Variants in COX15 observed in about 807,000 individuals in gnomAD.
COX15 encodes heme A synthase COX15.
In COX15, 51 loss-of-function variants were observed where a neutral mutation model predicts 51.9. That is an observed-to-expected ratio of 0.98 (90% confidence interval 0.78 to 1.24). The LOEUF is 1.24. Ranked by LOEUF, COX15 falls within the 50% of genes most tolerant of loss-of-function variation. The pLI is 0.00. For missense variants in COX15, 420 were observed against 501.1 expected, an observed-to-expected ratio of 0.84 and a Z score of 1.55; for synonymous variants, 188 against 190.5, an observed-to-expected ratio of 0.99 and a Z score of 0.11.
At chr10:99,723,590 A>C (rs1334005111) in intron 5 of COX15, among the ~76,000 whole-genome samples, 1 of 152,238 alleles carries the variant, frequency 6.6e-6, no homozygotes, top group Non-Finnish European at 1.5e-5. Context: ...ACTTTGCTTT[A>C]ATCAGCAGAC....
At chr10:99,702,053 A>C in the COX15 span, among the ~76,000 whole-genome samples, 24 of 152,184 alleles carry the variant, frequency 1.6e-4, no homozygotes, top group East Asian at 4.5e-3. Context: ...TGTCTCAAAA[A>C]AAAACAAAAA....
Position 99,718,329 on chromosome 10 carries a change from C to A in COX15, c.987+17G>T. 1 of 1,613,956 alleles carries A rather than the reference C, an allele frequency of 6.2e-7. No homozygotes were observed. Among genetic ancestry groups the A allele is most frequent in the South Asian group, 1.1e-5 (1 of 91,068 alleles). On this transcript the variant is annotated intron_variant, in intron 7 of 8. Transcript: ENST00000016171. ...GGCTCCTGTGCTCTCTGGCAGGTAACCACCAACTACACTTACCAGAATCCG... is the reference window on the plus strand; with the variant it reads ...GGCTCCTGTGCTCTCTGGCAGGTAAACACCAACTACACTTACCAGAATCCG...
At chr10:99,718,970 T>C (rs1345082395) in intron 6 of COX15, among the ~76,000 whole-genome samples, 2 of 152,228 alleles carry the variant, frequency 1.3e-5, no homozygotes, top group East Asian at 3.8e-4. Flanking sequence ...TTCTGTCTCC[T>C]GACCCTAATT....
rs863223945 is a variant in COX15, at chr10:99,727,074, A to C, written c.476T>G (p.Val159Gly). ...EYSHRMWGRLVGLVYILPAAY... is the reference protein window; with the variant it reads ...EYSHRMWGRLGGLVYILPAAY... ...AGCAGGCAGGATGTACACAAGGCCTACAAGGCGACCCCACATTCGGTGTGA... is the reference window on the plus strand; with the variant it reads ...AGCAGGCAGGATGTACACAAGGCCTCCAAGGCGACCCCACATTCGGTGTGA... The change falls in exon 4 of 9, where the codon GTA (valine) becomes GGA (glycine). Residue 159 changes from valine (V) to glycine (G), a missense_variant. Transcript: ENST00000016171. 6.2e-7 allele frequency: 1 copy of C among 1,614,212 alleles called. No individual in the cohort carries two copies. Among genetic ancestry groups the C allele is most frequent in the African/African-American group, 1.3e-5 (1 of 75,056 alleles).
In COX15 at chr10:99,712,682, T is replaced by G. The variant is rs999151068; in HGVS notation, c.*1905A>C. The G allele has an allele frequency of 2.2e-6, 2 of 903,318 alleles. No individual in the cohort carries two copies. The highest frequency in any genetic ancestry group is 2.6e-6 in the Non-Finnish European group (2 of 755,418). The allele number at this position is 903,318 out of a possible 1,614,324, so 56.0% of individuals were successfully genotyped here. A position where few individuals can be genotyped will look rare whatever the true frequency, so the allele number is the denominator to read the frequency against. ...ATCTAACAACCCTGGACCTGTAGAG[T>G]GGCAGCAACAGACCAGAACTCAGCA... On this transcript the variant is annotated 3_prime_UTR_variant, in exon 9 of 9. Coordinates refer to ENST00000016171, the MANE Select transcript of COX15 (RefSeq NM_078470.6).
chr10:99,694,506 A>G, the COX15 span, among the ~76,000 whole-genome samples: 2 of 149,234 alleles, frequency 1.3e-5, no homozygotes, highest in Non-Finnish European at 3.0e-5. Context: ...GAACATTCAT[A>G]TACACATTTT....
At chr10:99,698,204 G>A in the COX15 span, among the ~76,000 whole-genome samples, 10 of 152,162 alleles carry the variant, frequency 6.6e-5, no homozygotes, top group African/African-American at 2.2e-4. Context: ...CACTCCGCAC[G>A]ATAAGGTCCT....
chr10:99,702,420 A>C, the COX15 span: 3 of 1,155,012 alleles, frequency 2.6e-6, no homozygotes, highest in Non-Finnish European at 3.5e-6. Flanking sequence ...AGGTCTTTTA[A>C]TAACTTGTGG....
At chr10:99,728,034 G>C (rs906502577) in intron 2 of COX15, among the ~76,000 whole-genome samples, 2 of 152,164 alleles carry the variant, frequency 1.3e-5, no homozygotes, top group African/African-American at 4.8e-5. Context: ...TTTGAAATAA[G>C]GGACGTGGAA....
chr10:99,730,421 C>A (rs1490040913), intron 1 of COX15, among the ~76,000 whole-genome samples: 1 of 151,710 alleles, frequency 6.6e-6, no homozygotes, highest in African/African-American at 2.4e-5. Flanking sequence ...CCATCTTTAC[C>A]AAAAATACAA....
At chr10:99,698,439 A>C in the COX15 span, 1 of 1,191,470 alleles carries the variant, frequency 8.4e-7, no homozygotes, top group Admixed American at 2.5e-5. Context: ...GAAAACCAGT[A>C]GTAAGATATT....
intron 8 of COX15, among the ~76,000 whole-genome samples, chr10:99,715,454 A>G (rs1019493727): frequency 1.3e-5 from 2 of 152,080 alleles, no homozygotes; most frequent in Non-Finnish European, 2.9e-5. Context: ...TTTTTTAACT[A>G]TTTAGGTTGT....
downstream of COX15, chr10:99,709,660 CCT>C (rs2036323707): frequency 1.0e-6 from 1 of 985,368 alleles, no homozygotes; most frequent in Non-Finnish European, 1.2e-6. Flanking sequence ...GCTGTGGCAC[CCT>C]GTTTGGGTGT....
intron 6 of COX15, among the ~76,000 whole-genome samples, chr10:99,718,766 G>C (rs1017943028): frequency 6.6e-6 from 1 of 152,078 alleles, no homozygotes; most frequent in Non-Finnish European, 1.5e-5. Context: ...TGTGGGGGGA[G>C]GGGGAGAGGC....
intron 6 of COX15, among the ~76,000 whole-genome samples, chr10:99,719,797 A>G (rs999997816): frequency 1.3e-5 from 2 of 152,112 alleles, no homozygotes; most frequent in Non-Finnish European, 2.9e-5. Context: ...AACCCACTCC[A>G]TATTTTTTTT....
At chr10:99,694,692 A>T in the COX15 span, among the ~76,000 whole-genome samples, 1 of 151,880 alleles carries the variant, frequency 6.6e-6, no homozygotes, top group African/African-American at 2.4e-5. Flanking sequence ...ACCCACCACC[A>T]TGCCTGGCTA....
chr10:99,706,796 ACTCAGGTAACGTTTTCTTTTGCT>A (rs2036262742), downstream of COX15, among the ~76,000 whole-genome samples: 1 of 152,192 alleles, frequency 6.6e-6, no homozygotes, highest in Admixed American at 6.5e-5. Context: ...TTAGCTGCCT[ACTCAGGTAACGTTTTCTTTTGCT>A]CTCATCTTGG....
chr10:99,702,021 C>T, the COX15 span, among the ~76,000 whole-genome samples: 5 of 151,770 alleles, frequency 3.3e-5, no homozygotes, highest in Non-Finnish European at 5.9e-5. Flanking sequence ...TGCACTCCAG[C>T]GTGGGTGACA....
intron 4 of COX15, among the ~76,000 whole-genome samples, chr10:99,725,699 A>ACAGGCCCACGCCAGCATGCC (rs1368362435): frequency 2.0e-5 from 3 of 152,194 alleles, no homozygotes; most frequent in Non-Finnish European, 4.4e-5. Context: ...AGCTGGGACT[A>ACAGGCCCACGCCAGCATGCC]CAGGCCCACG....
Sources: gnomAD v4.1 joint callset for allele counts (sites outside exome capture counted in the v4.1 genomes callset) on GRCh38, gnomAD v4.1.1 for gene constraint, MANE v1.5 for transcripts, NCBI Gene and HGNC (gene_info 2026-07-23, HGNC 2026-07-21) for gene names.